ELAPOR2: variants seen among roughly 807,000 people sequenced by gnomAD.
ELAPOR2 encodes the protein endosome-lysosome associated apoptosis and autophagy regulator family member 2.
In ELAPOR2, 89 loss-of-function variants were observed where a neutral mutation model predicts 120.7. The observed-to-expected ratio is 0.74, with a 90% CI of 0.62 to 0.88. ELAPOR2 has a LOEUF of 0.88. ELAPOR2 is among the 40% of genes least tolerant of loss of function. ELAPOR2 has a pLI of 0.00. For missense variants in ELAPOR2, 1,134 were observed against 1,251.6 expected, an observed-to-expected ratio of 0.91 and a Z score of 1.42; for synonymous variants, 444 against 444.9, an observed-to-expected ratio of 1.00 and a Z score of 0.03.
At chr7:87,046,130 C>T (rs1424486849) in intron 1 of ELAPOR2, among the ~76,000 whole-genome samples, 5 of 152,032 alleles carry the variant, frequency 3.3e-5, no homozygotes, top group Non-Finnish European at 1.5e-5. Flanking sequence ...AATCAACATA[C>T]AAAAATCAGT....
At chr7:86,940,773 C>T (rs1229577853) in intron 5 of ELAPOR2, among the ~76,000 whole-genome samples, 3 of 151,872 alleles carry the variant, frequency 2.0e-5, no homozygotes, top group Non-Finnish European at 4.4e-5. Context: ...CTTATTTACC[C>T]CCCTTATTCT....
chr7:87,011,753 A>G (rs1271866965), intron 1 of ELAPOR2, among the ~76,000 whole-genome samples: 3 of 152,178 alleles, frequency 2.0e-5, no homozygotes, highest in African/African-American at 7.2e-5. Context: ...TTACTTTCTA[A>G]CAATATTAAA....
At chr7:86,968,121 T>C (rs1007298722) in intron 1 of ELAPOR2, among the ~76,000 whole-genome samples, 5 of 152,184 alleles carry the variant, frequency 3.3e-5, no homozygotes, top group African/African-American at 9.6e-5. Context: ...AAAGGTACGA[T>C]GTATATTTTC....
intron 1 of ELAPOR2, among the ~76,000 whole-genome samples, chr7:87,019,915 T>C (rs1414952820): frequency 1.3e-5 from 2 of 152,196 alleles, no homozygotes; most frequent in Non-Finnish European, 2.9e-5. Flanking sequence ...TCATTCAAAA[T>C]TATGTTACAC....
intron 21 of ELAPOR2, among the ~76,000 whole-genome samples, chr7:86,888,031 T>C (rs554839569): frequency 2.0e-5 from 3 of 152,234 alleles, no homozygotes; most frequent in African/African-American, 4.8e-5. Flanking sequence ...CTTCTAGTGA[T>C]AGCCCACCCA....
chr7:86,931,996 T>A (rs1462470166), intron 8 of ELAPOR2, among the ~76,000 whole-genome samples: 1 of 151,922 alleles, frequency 6.6e-6, no homozygotes, highest in African/African-American at 2.4e-5. Flanking sequence ...CAGTTTGGCC[T>A]CCCCAGCTAC....
At chr7:86,897,411 GC>G in intron 19 of ELAPOR2, 94 bp downstream of exon 19, 1 of 1,420,148 alleles carries the variant, frequency 7.0e-7, no homozygotes, top group East Asian at 2.3e-5. Flanking sequence ...TTAAATACAA[GC>G]TTTTGCCATA....
chr7:86,895,309 C>CA (rs1338420794), intron 19 of ELAPOR2, among the ~76,000 whole-genome samples: 2 of 151,964 alleles, frequency 1.3e-5, no homozygotes, highest in Non-Finnish European at 2.9e-5. Context: ...GTGGCTATTC[C>CA]CACTTACTGT....
chr7:86,905,253 G>A (rs1175882652), intron 18 of ELAPOR2, among the ~76,000 whole-genome samples: 7 of 149,256 alleles, frequency 4.7e-5, no homozygotes, highest in Admixed American at 2.7e-4. Context: ...AAAATAGCCT[G>A]AGAAACTGGG....
At chr7:87,000,162 T>C (rs963248742) in intron 1 of ELAPOR2, among the ~76,000 whole-genome samples, 2 of 151,108 alleles carry the variant, frequency 1.3e-5, no homozygotes, top group East Asian at 1.9e-4. Context: ...ATACGCATCA[T>C]TCCTCTTTCT....
intron 1 of ELAPOR2, among the ~76,000 whole-genome samples, chr7:86,977,253 T>C (rs1404960136): frequency 6.6e-6 from 1 of 152,212 alleles, no homozygotes; most frequent in Non-Finnish European, 1.5e-5. Context: ...CCCAATGTCA[T>C]AGAGCTGATT....
chr7:87,047,209 C>T (rs1248979993), intron 1 of ELAPOR2, among the ~76,000 whole-genome samples: 4 of 152,154 alleles, frequency 2.6e-5, no homozygotes, highest in African/African-American at 4.8e-5. Flanking sequence ...AAACTTAAAT[C>T]GAAGACTTCA....
intron 12 of ELAPOR2, 80 bp downstream of exon 12, chr7:86,918,361 CA>C: frequency 1.7e-6 from 1 of 596,352 alleles, no homozygotes. Flanking sequence ...ATTCTTATCC[CA>C]ACTTGCCACA....
chr7:86,909,914 C>G lies in ELAPOR2; in HGVS notation c.2257G>C (p.Val753Leu). 1 of 1,613,162 alleles carries G rather than the reference C, an allele frequency of 6.2e-7. No homozygotes were observed. Reference protein sequence around the residue: ...VAGSDDYTNLVGAFVCQSTII... With the variant: ...VAGSDDYTNLLGAFVCQSTII... ...GTTGACTGGCATACAAATGCCCCTACCAAATTTGTGTAATCATCTGACCCT... is the reference window on the plus strand; with the variant it reads ...GTTGACTGGCATACAAATGCCCCTAGCAAATTTGTGTAATCATCTGACCCT... The change falls in exon 16 of 22, where the codon GTA becomes CTA. Residue 753 changes from valine (V) to leucine (L), a missense_variant. Physicochemically the swap from Val to Leu is conservative, Grantham distance 32. Around this residue, in one of 3 missense-constraint regions of ELAPOR2, gnomAD observed 831 missense variants for 867.6 expected, o/e 0.96. Transcript: ENST00000450689.
chr7:87,012,072 T>A (rs1562967563), intron 1 of ELAPOR2, among the ~76,000 whole-genome samples: 1 of 152,182 alleles, frequency 6.6e-6, no homozygotes, highest in Non-Finnish European at 1.5e-5. Flanking sequence ...CCAATGTGTA[T>A]TTTACACATA....
In ELAPOR2 at chr7:86,877,211, C is replaced by T. The variant is rs1422659251; in HGVS notation, c.*3260G>A. 1 of 152,050 alleles carries T rather than the reference C, an allele frequency of 6.6e-6. No homozygotes were observed. Among genetic ancestry groups the T allele is most frequent in the African/African-American group, 2.4e-5 (1 of 41,404 alleles). 9.4% of individuals were successfully genotyped at this position (152,050 alleles called of 1,614,324 possible). A position where few individuals can be genotyped will look rare whatever the true frequency, so the allele number is the denominator to read the frequency against. On this transcript the variant is annotated 3_prime_UTR_variant, in exon 22 of 22. Transcript: ENST00000450689. ...CTTTCATTTATGATTCTAAAAGGAA[C>T]TCATGTAAAAATGTTAAAATAAAAG...
chr7:86,947,584 G>A (rs1022069779), intron 3 of ELAPOR2, 143 bp downstream of exon 3: 31 of 707,620 alleles, frequency 4.4e-5, no homozygotes, highest in Middle Eastern at 4.1e-4. Context: ...TGCAATGACC[G>A]TCCAAAAAAC....
chr7:86,934,417 T>G (rs918374215), intron 8 of ELAPOR2, among the ~76,000 whole-genome samples: 2 of 152,016 alleles, frequency 1.3e-5, no homozygotes, highest in Non-Finnish European at 2.9e-5. Flanking sequence ...TTTCCATGTT[T>G]TAAAATGGCT....
intron 2 of ELAPOR2, among the ~76,000 whole-genome samples, chr7:86,961,561 G>C (rs548561339): frequency 6.6e-6 from 1 of 152,296 alleles, no homozygotes; most frequent in Admixed American, 6.5e-5. Flanking sequence ...AAATGAGAAA[G>C]AAAGAGAGAA....
Sources: allele counts gnomAD v4.1 joint callset (sites outside exome capture counted in the v4.1 genomes callset), GRCh38; gene constraint gnomAD v4.1.1; regional missense constraint gnomAD v4.1.1; transcripts MANE v1.5; gene names NCBI Gene and HGNC (gene_info 2026-07-23, HGNC 2026-07-21).